Variants in ARHGAP31 observed in about 807,000 individuals in gnomAD.
ARHGAP31 encodes the protein rho GTPase-activating protein 31.
ARHGAP31 carries 34 observed loss-of-function variants against 113.9 expected under a neutral mutation model. The ratio of observed to expected loss-of-function variants is 0.30; its 90% CI spans 0.23 to 0.40. ARHGAP31 has a LOEUF of 0.40. ARHGAP31 is among the 10% of genes least tolerant of loss of function. The pLI is 1.00. For synonymous variants in ARHGAP31, 650 were observed against 684.8 expected (o/e 0.95, Z 0.79); for missense variants, 1,548 against 1,767.1 (o/e 0.88, Z 2.22).
intron 10 of ARHGAP31, among the ~76,000 whole-genome samples, chr3:119,407,771 G>C (rs2080677094): frequency 6.6e-6 from 1 of 152,176 alleles, no homozygotes; most frequent in Non-Finnish European, 1.5e-5. Context: ...GAGCAGAAGA[G>C]TGCAAGGCCT....
chr3:119,316,336 T>C (rs977469266), intron 1 of ARHGAP31, among the ~76,000 whole-genome samples: 12 of 152,232 alleles, frequency 7.9e-5, no homozygotes, highest in African/African-American at 2.9e-4. Context: ...TACTGAGGGA[T>C]ACAGGTTGAG....
chr3:119,407,845 A>G (rs78961974), intron 10 of ARHGAP31, among the ~76,000 whole-genome samples: 19,877 of 152,160 alleles, frequency 0.13, 1,380 homozygotes, highest in South Asian at 0.18. Flanking sequence ...CTTTTTATAT[A>G]CAGTGGGCCC....
At chr3:119,387,230 A>G (rs2107633925) in intron 6 of ARHGAP31, among the ~76,000 whole-genome samples, 1 of 152,360 alleles carries the variant, frequency 6.6e-6, no homozygotes, top group East Asian at 1.9e-4. Context: ...CCGCTAGACC[A>G]AGGAGCCCTT....
At chr3:119,384,123 C>T (rs2080427527) in intron 6 of ARHGAP31, among the ~76,000 whole-genome samples, 1 of 152,178 alleles carries the variant, frequency 6.6e-6, no homozygotes, top group African/African-American at 2.4e-5. Context: ...TCAAAGAACT[C>T]CTTTCCAGTT....
chr3:119,372,739 A>G (rs1253407009), intron 3 of ARHGAP31, among the ~76,000 whole-genome samples: 1 of 152,218 alleles, frequency 6.6e-6, no homozygotes, highest in East Asian at 1.9e-4. Context: ...ATATTATTTC[A>G]TTTAATTCTC....
At position 119,414,190 on chromosome 3, in the gene ARHGAP31, C is replaced by A. The variant is rs761427376; in HGVS notation, c.2261C>A (p.Pro754His). Residue 754 changes from proline (P) to histidine (H), a missense_variant, in exon 12 of 12, where the codon CCT becomes CAT. Physicochemically the swap from Pro to His is moderately conservative, Grantham distance 77. Coordinates refer to ENST00000264245, the MANE Select transcript of ARHGAP31 (RefSeq NM_020754.4). ...CACCCAGACCTCGCCAGCCTGGCTC[C>A]TCTGGAAATAGTTCCTTTTGAGAAG... is the stretch of plus-strand genomic sequence containing the variant. ...GLHPDLASLA[P>H]LEIVPFEKAS... The A allele has an allele frequency of 1.9e-6, 3 of 1,614,176 alleles. No individual in the cohort carries two copies. The highest frequency in any genetic ancestry group is 1.7e-6 in the Non-Finnish European group (2 of 1,180,028).
intron 3 of ARHGAP31, among the ~76,000 whole-genome samples, chr3:119,371,080 A>G (rs2080293220): frequency 6.6e-6 from 1 of 152,196 alleles, no homozygotes; most frequent in Non-Finnish European, 1.5e-5. Context: ...ATTGTTTTCA[A>G]TATAGTTGTA....
intron 1 of ARHGAP31, among the ~76,000 whole-genome samples, chr3:119,321,498 T>G (rs1053976647): frequency 1.3e-5 from 2 of 150,276 alleles, no homozygotes; most frequent in African/African-American, 4.9e-5. Context: ...TTCCTTCAAG[T>G]GTTTTTTTTC....
intron 1 of ARHGAP31, among the ~76,000 whole-genome samples, chr3:119,358,010 A>T (rs184369298): frequency 2.0e-5 from 3 of 152,252 alleles, no homozygotes; most frequent in Non-Finnish European, 2.9e-5. Flanking sequence ...AAAGAAAAAC[A>T]TAGATAAATT....
chr3:119,389,946 A>G (rs1389419375), intron 6 of ARHGAP31, among the ~76,000 whole-genome samples: 3 of 152,216 alleles, frequency 2.0e-5, no homozygotes, highest in African/African-American at 7.2e-5. Flanking sequence ...AGGACGCTTA[A>G]CAGCATCCCT....
intron 1 of ARHGAP31, among the ~76,000 whole-genome samples, chr3:119,325,310 G>A (rs1006435134): frequency 1.3e-5 from 2 of 152,176 alleles, no homozygotes; most frequent in African/African-American, 2.4e-5. Flanking sequence ...GGAAACCATC[G>A]CAGCTGTCAT....
At chr3:119,367,191 A>AG (rs1004740243) in intron 2 of ARHGAP31, among the ~76,000 whole-genome samples, 1 of 152,096 alleles carries the variant, frequency 6.6e-6, no homozygotes, top group African/African-American at 2.4e-5. Context: ...CCCTTCATTA[A>AG]GGGGGTAGGC....
At chr3:119,388,681 G>T (rs2080476049) in intron 6 of ARHGAP31, among the ~76,000 whole-genome samples, 1 of 152,208 alleles carries the variant, frequency 6.6e-6, no homozygotes, top group African/African-American at 2.4e-5. Flanking sequence ...CTTATAGGCT[G>T]TCTATGGAAG....
In ARHGAP31 at chr3:119,334,217, C is replaced by A. The variant is rs567416902; in HGVS notation, c.101-31099C>A. 2.0e-5 allele frequency among the ~76,000 whole-genome samples: 3 copies of A among 152,276 alleles called. No homozygotes were observed. The East Asian group carries it at 5.8e-4, about 29-fold the overall frequency. On this transcript the variant is annotated intron_variant, in intron 1 of 11. Transcript: ENST00000264245. Reference sequence around the variant, plus strand: ...TCATCTCCCGGCTCCCCCTCATCTCCTGTTTGGCTTGCCGTCTTGGCCCCC... The same window carrying A: ...TCATCTCCCGGCTCCCCCTCATCTCATGTTTGGCTTGCCGTCTTGGCCCCC...
chr3:119,383,169 T>C lies in ARHGAP31; in HGVS notation c.625T>C (p.Leu209=), dbSNP rs761116153. 3.7e-6 allele frequency: 6 copies of C among 1,614,216 alleles called. No homozygotes were observed. In the Admixed American group the frequency reaches 5.0e-5, roughly 13 times the overall value. The change falls in exon 6 of 12, where the codon TTG becomes CTG. Residue 209 remains leucine, a synonymous_variant. Transcript: ENST00000264245. ...CCAGCAGGTGGTGATTGAGTTCATA[T>C]TGAATCATGTAGATCAAATCTTTAA... The part of the protein sequence containing the change: ...RVQQVVIEFI[L]NHVDQIFNNG...
chr3:119,329,108 C>T (rs1031913343), intron 1 of ARHGAP31, among the ~76,000 whole-genome samples: 3 of 152,148 alleles, frequency 2.0e-5, no homozygotes, highest in Non-Finnish European at 2.9e-5. Context: ...ACCTAAAAGT[C>T]GTATGGCAAG....
At chr3:119,374,655 G>A (rs1198176205) in intron 3 of ARHGAP31, among the ~76,000 whole-genome samples, 1 of 152,064 alleles carries the variant, frequency 6.6e-6, no homozygotes, top group Non-Finnish European at 1.5e-5. Context: ...GTGTGTGGCG[G>A]TTCCCCCTTA....
Position 119,328,649 on chromosome 3 carries a change from T to C in ARHGAP31, c.100+33645T>C, listed in dbSNP as rs1260424975. Reference sequence around the variant, plus strand: ...TCCACCTTTTTCTTTCTTTCTTTCTTTTTTTTTCTGAGACAGAGTCTCACT... The same window carrying C: ...TCCACCTTTTTCTTTCTTTCTTTCTCTTTTTTTCTGAGACAGAGTCTCACT... On this transcript the variant is annotated intron_variant, in intron 1 of 11. Transcript: ENST00000264245. Among the ~76,000 whole-genome samples, 5 of 152,190 alleles carry C rather than the reference T, an allele frequency of 3.3e-5. No homozygotes were observed. In the East Asian group the frequency reaches 5.8e-4, roughly 18 times the overall value.
intron 10 of ARHGAP31, among the ~76,000 whole-genome samples, chr3:119,409,132 G>C (rs1272416662): frequency 1.3e-5 from 2 of 152,130 alleles, no homozygotes; most frequent in Non-Finnish European, 2.9e-5. Flanking sequence ...AGCATCCATG[G>C]CTTCTAACCA....
Sources: allele counts gnomAD v4.1 joint callset (sites outside exome capture counted in the v4.1 genomes callset), GRCh38; gene constraint gnomAD v4.1.1; transcripts MANE v1.5; gene names NCBI Gene and HGNC (gene_info 2026-07-23, HGNC 2026-07-21).